DOCK7: variants seen among roughly 807,000 people sequenced by gnomAD.
The protein encoded by DOCK7 is dedicator of cytokinesis 7.
A neutral mutation model predicts 271.0 loss-of-function variants in DOCK7; 138 were observed. That is an observed-to-expected ratio of 0.51 (90% CI 0.44 to 0.59). The LOEUF is 0.59. Among genes scored for constraint, DOCK7 ranks in the 20% least tolerant of loss-of-function variants. The pLI is 0.00. For synonymous variants in DOCK7, 823 were observed against 876.1 expected (o/e 0.94, Z 1.07); for missense variants, 2,066 against 2,592.4 (o/e 0.80, Z 4.41).
At chr1:62,521,787 C>T (rs985642081) in intron 31 of DOCK7, among the ~76,000 whole-genome samples, 2 of 151,942 alleles carry the variant, frequency 1.3e-5, no homozygotes, top group Non-Finnish European at 2.9e-5. Flanking sequence ...ACTAGTCTGG[C>T]CAACGTAGTG....
chr1:62,493,016 GATA>G (rs1175485793), intron 40 of DOCK7, among the ~76,000 whole-genome samples, 169 bp from the exon 41 acceptor site: 1 of 152,090 alleles, frequency 6.6e-6, no homozygotes, highest in African/African-American at 2.4e-5. Flanking sequence ...TTTTGAAGAT[GATA>G]ATAAAATGAA....
At chr1:62,487,306 C>T in intron 43 of DOCK7, 92 bp downstream of exon 43, 1 of 1,274,724 alleles carries the variant, frequency 7.8e-7, no homozygotes, top group Non-Finnish European at 1.1e-6. Flanking sequence ...CAACAGAATG[C>T]CCACAGCTAG....
chr1:62,504,408 T>C (rs1646880571), intron 37 of DOCK7, among the ~76,000 whole-genome samples: 1 of 152,198 alleles, frequency 6.6e-6, no homozygotes, highest in African/African-American at 2.4e-5. Context: ...TCTAAGTCTG[T>C]ATTAATATAC....
intron 2 of DOCK7, among the ~76,000 whole-genome samples, chr1:62,658,781 C>T (rs1658322467): frequency 6.6e-6 from 1 of 151,344 alleles, no homozygotes; most frequent in Admixed American, 6.6e-5. Flanking sequence ...AAAACCTCAA[C>T]TATACCAAAA....
At chr1:62,546,027 G>A (rs1645695953) in intron 22 of DOCK7, among the ~76,000 whole-genome samples, 1 of 152,116 alleles carries the variant, frequency 6.6e-6, no homozygotes, top group Non-Finnish European at 1.5e-5. Flanking sequence ...GAATAGCAAA[G>A]ACAATCGAAG....
At chr1:62,636,432 G>T in intron 8 of DOCK7, 105 bp downstream of exon 8, 1 of 804,814 alleles carries the variant, frequency 1.2e-6, no homozygotes, top group Non-Finnish European at 1.9e-6. Flanking sequence ...TTTTTAAAAA[G>T]ATCTATGTTT....
chr1:62,461,301 A>C (rs1421590415), intron 48 of DOCK7, among the ~76,000 whole-genome samples: 1 of 152,066 alleles, frequency 6.6e-6, no homozygotes, highest in Non-Finnish European at 1.5e-5. Flanking sequence ...AGAATTAATA[A>C]GTCTATTAAG....
chr1:62,479,603 C>A, intron 43 of DOCK7: 1 of 158,374 alleles, frequency 6.3e-6, no homozygotes, highest in African/African-American at 2.4e-5. Flanking sequence ...AAGAAAATTA[C>A]TTAAAAATTT....
intron 37 of DOCK7, among the ~76,000 whole-genome samples, chr1:62,498,159 C>T (rs960214421): frequency 6.6e-5 from 10 of 151,918 alleles, no homozygotes; most frequent in African/African-American, 2.4e-4. Flanking sequence ...GGAAGGATCC[C>T]TTGAGCAAAG....
intron 1 of DOCK7, among the ~76,000 whole-genome samples, chr1:62,680,141 T>C (rs1660953988): frequency 6.6e-6 from 1 of 152,074 alleles, no homozygotes; most frequent in Admixed American, 6.5e-5. Context: ...CAAACTGTAC[T>C]ACAAGGCTAC....
Position 62,524,931 on chromosome 1 carries a change from C to CTA in DOCK7, c.3936+3218_3936+3219dup, listed in dbSNP as rs147371901. ...AACAAAACAAAACCAACCAACCAAA[C>CTA]TATATATATATATATATATATATAT... On this transcript the variant is annotated intron_variant, in intron 31 of 49. Transcript: ENST00000635253. 1.7e-3 allele frequency among the ~76,000 whole-genome samples: 180 copies of CTA among 103,606 alleles called. 24 individuals are homozygous for CTA. Among genetic ancestry groups the CTA allele is most frequent in the African/African-American group, 6.0e-3 (135 of 22,640 alleles). 68.0% of individuals were successfully genotyped at this position (103,606 alleles called of 152,430 possible). A position where few individuals can be genotyped will look rare whatever the true frequency, so the allele number is the denominator to read the frequency against.
intron 2 of DOCK7, among the ~76,000 whole-genome samples, chr1:62,655,235 AT>A (rs1187553089): frequency 6.6e-6 from 1 of 152,170 alleles, no homozygotes; most frequent in East Asian, 1.9e-4. Flanking sequence ...AAAGAAAAAA[AT>A]ATTCAGACAA....
At chr1:62,682,192 T>G (rs988940734) in intron 1 of DOCK7, among the ~76,000 whole-genome samples, 1 of 152,216 alleles carries the variant, frequency 6.6e-6, no homozygotes, top group African/African-American at 2.4e-5. Context: ...ACAGTTAACC[T>G]TAAAATCCAA....
At chr1:62,496,118 T>TATAA (rs1378048077) in intron 38 of DOCK7, among the ~76,000 whole-genome samples, 2 of 152,208 alleles carry the variant, frequency 1.3e-5, no homozygotes, top group African/African-American at 4.8e-5. Flanking sequence ...TTCTACTTAT[T>TATAA]ATAAATGCAC....
In DOCK7 at chr1:62,455,100, TA is replaced by T; in HGVS notation, c.*313del. On this transcript the variant is annotated 3_prime_UTR_variant, in exon 50 of 50. Coordinates refer to ENST00000635253, the MANE Select transcript of DOCK7 (RefSeq NM_001367561.1). ...TCCAAAATGAATCTATAAATGGTAA[TA>T]TAAATTAAAAAATACGAACTTAAAG... 1.9e-6 allele frequency: 1 copy of T among 515,374 alleles called. No individual in the cohort carries two copies. The highest frequency in any genetic ancestry group is 3.1e-5 in the East Asian group (1 of 32,236). The allele number at this position is 515,374 out of a possible 1,614,324, so 31.9% of individuals were successfully genotyped here.
At chr1:62,606,579 T>C (rs1248749093) in intron 14 of DOCK7, among the ~76,000 whole-genome samples, 2 of 152,152 alleles carry the variant, frequency 1.3e-5, no homozygotes, top group African/African-American at 4.8e-5. Context: ...TTTATCTCTC[T>C]ACTACTTAAT....
chr1:62,550,371 T>TA (rs1224585449), intron 22 of DOCK7, among the ~76,000 whole-genome samples: 1 of 152,198 alleles, frequency 6.6e-6, no homozygotes, highest in Non-Finnish European at 1.5e-5. Flanking sequence ...GGTAAAAGTT[T>TA]ATCAAAGTCT....
intron 1 of DOCK7, among the ~76,000 whole-genome samples, chr1:62,664,081 C>T (rs1160020056): frequency 6.6e-6 from 1 of 152,082 alleles, no homozygotes; most frequent in Admixed American, 6.6e-5. Flanking sequence ...TGAAAGAAGC[C>T]AATCTGTATG....
chr1:62,584,414 A>T (rs1285888105), intron 15 of DOCK7: 2 of 989,218 alleles, frequency 2.0e-6, no homozygotes, highest in Non-Finnish European at 2.4e-6. Context: ...CCCTTTTTTT[A>T]AAAAAGGCAA....
Sources: allele counts gnomAD v4.1 joint callset (sites outside exome capture counted in the v4.1 genomes callset), GRCh38; gene constraint gnomAD v4.1.1; transcripts MANE v1.5; gene names NCBI Gene and HGNC (gene_info 2026-07-23, HGNC 2026-07-21).